CSRNP3: variants seen among roughly 807,000 people sequenced by gnomAD.
The protein encoded by CSRNP3 is cysteine/serine-rich nuclear protein 3.
In CSRNP3, 12 loss-of-function variants were observed where a neutral mutation model predicts 48.0. The observed-to-expected ratio is 0.25, with a 90% CI of 0.16 to 0.41. The LOEUF (loss-of-function observed/expected upper bound fraction) is 0.41, where lower values mean the gene tolerates loss of function less well. Ranked by LOEUF, CSRNP3 falls within the 10% of genes least tolerant of loss-of-function variation. CSRNP3 has a pLI of 1.00. For synonymous variants in CSRNP3, 263 were observed against 269.7 expected, an observed-to-expected ratio of 0.98 and a Z score of 0.24; for missense variants, 580 against 724.4, an observed-to-expected ratio of 0.80 and a Z score of 2.29.
At chr2:165,538,168 C>A (rs1045181356) in intron 3 of CSRNP3, among the ~76,000 whole-genome samples, 5 of 151,914 alleles carry the variant, frequency 3.3e-5, no homozygotes, top group African/African-American at 1.2e-4. Context: ...ACAGGAATAT[C>A]TGCATATAAA....
At chr2:165,650,937 A>G (rs1686892759) in intron 4 of CSRNP3, among the ~76,000 whole-genome samples, 1 of 152,254 alleles carries the variant, frequency 6.6e-6, no homozygotes, top group Non-Finnish European at 1.5e-5. Context: ...AAACTAGACC[A>G]TAAACTTTCA....
intron 2 of CSRNP3, among the ~76,000 whole-genome samples, chr2:165,504,349 C>T (rs1479572542): frequency 6.6e-6 from 1 of 151,868 alleles, no homozygotes; most frequent in Non-Finnish European, 1.5e-5. Context: ...AATGGTAGTC[C>T]TAGCACAGTT....
intron 3 of CSRNP3, among the ~76,000 whole-genome samples, chr2:165,523,105 A>G (rs548264232): frequency 7.9e-5 from 12 of 152,254 alleles, no homozygotes; most frequent in Non-Finnish European, 1.5e-4. Context: ...AATCTTTGCA[A>G]TCCCCTCCAG....
At chr2:165,550,362 C>T (rs1186721056) in intron 3 of CSRNP3, among the ~76,000 whole-genome samples, 1 of 151,910 alleles carries the variant, frequency 6.6e-6, no homozygotes, top group Non-Finnish European at 1.5e-5. Flanking sequence ...ATAATGTGGT[C>T]CTGTGGGAGA....
intron 2 of CSRNP3, among the ~76,000 whole-genome samples, chr2:165,513,977 A>T (rs1390055226): frequency 2.0e-5 from 3 of 152,260 alleles, no homozygotes; most frequent in African/African-American, 7.2e-5. Context: ...GATGTGAATC[A>T]TAAGAGTTAG....
intron 3 of CSRNP3, among the ~76,000 whole-genome samples, chr2:165,533,428 A>C (rs1022697649): frequency 6.6e-6 from 1 of 152,080 alleles, no homozygotes; most frequent in South Asian, 2.1e-4. Flanking sequence ...AGCAATGGGA[A>C]TCCCTTACTT....
intron 3 of CSRNP3, among the ~76,000 whole-genome samples, chr2:165,568,504 C>T (rs1222437627): frequency 1.3e-5 from 2 of 152,060 alleles, no homozygotes; most frequent in Non-Finnish European, 2.9e-5. Context: ...CCTTTTCTCC[C>T]AGAATGCCTA....
At position 165,680,052 on chromosome 2, in the gene CSRNP3, T is replaced by C. The variant is rs931304768; in HGVS notation, c.*299T>C. ...TGTGAAACCTGCCAATCTGTGTAGA[T>C]CAGAGCTCCAAATTTTGGATTATCG... is the stretch of plus-strand genomic sequence containing the variant. On this transcript the variant is annotated 3_prime_UTR_variant, in exon 7 of 7. Coordinates refer to ENST00000651982, the MANE Select transcript of CSRNP3 (RefSeq NM_001172173.2). 3.5e-6 allele frequency: 1 copy of C among 287,464 alleles called. No homozygotes were observed. The highest frequency in any genetic ancestry group is 6.4e-6 in the Non-Finnish European group (1 of 155,550). The allele number at this position is 287,464 out of a possible 1,614,324, so 17.8% of individuals were successfully genotyped here. A position where few individuals can be genotyped will look rare whatever the true frequency, so the allele number is the denominator to read the frequency against.
At chr2:165,503,223 T>A (rs1000973338) in intron 2 of CSRNP3, among the ~76,000 whole-genome samples, 2 of 151,988 alleles carry the variant, frequency 1.3e-5, no homozygotes, top group Non-Finnish European at 2.9e-5. Flanking sequence ...AATTTCTATA[T>A]GTATTTAAAT....
At chr2:165,607,020 A>G (rs1686040355) in intron 4 of CSRNP3, among the ~76,000 whole-genome samples, 1 of 152,196 alleles carries the variant, frequency 6.6e-6, no homozygotes, top group Admixed American at 6.5e-5. Flanking sequence ...ATTAGCGTCC[A>G]TAAATATGAG....
chr2:165,494,059 C>T (rs1684254404), intron 1 of CSRNP3, among the ~76,000 whole-genome samples: 1 of 152,040 alleles, frequency 6.6e-6, no homozygotes, highest in African/African-American at 2.4e-5. Flanking sequence ...CTTTCACTGA[C>T]CATGTTAATA....
At chr2:165,654,460 C>A (rs1353447628) in intron 4 of CSRNP3, among the ~76,000 whole-genome samples, 1 of 152,016 alleles carries the variant, frequency 6.6e-6, no homozygotes, top group African/African-American at 2.4e-5. Flanking sequence ...TCTGGAGAAG[C>A]AAAACAATGG....
In CSRNP3 at chr2:165,635,770, G is replaced by T. The variant is rs1049428230; in HGVS notation, c.149-21991G>T. Among the ~76,000 whole-genome samples, 60 of 152,156 alleles carry T rather than the reference G, an allele frequency of 3.9e-4. 2 individuals carry two copies. Among genetic ancestry groups the T allele is most frequent in the Non-Finnish European group, 5.9e-5 (4 of 68,034 alleles). On this transcript the variant is annotated intron_variant, in intron 4 of 6. Transcript: ENST00000651982. ...TCATAGGCCAGTACAGCTCACCAGG[G>T]TTGTAGGCCAGAACTACACAATTCT...
intron 5 of CSRNP3, among the ~76,000 whole-genome samples, chr2:165,673,280 G>A (rs961736072): frequency 6.6e-6 from 1 of 151,526 alleles, no homozygotes; most frequent in Non-Finnish European, 1.5e-5. Flanking sequence ...TGTGATTACA[G>A]GTGTACCCCT....
At chr2:165,526,819 G>A (rs948778467) in intron 3 of CSRNP3, among the ~76,000 whole-genome samples, 4 of 152,164 alleles carry the variant, frequency 2.6e-5, no homozygotes, top group African/African-American at 7.2e-5. Context: ...ATACTACAGA[G>A]ATGGGCCAGG....
intron 4 of CSRNP3, among the ~76,000 whole-genome samples, chr2:165,605,288 A>G (rs1685991120): frequency 6.6e-6 from 1 of 152,060 alleles, no homozygotes; most frequent in Non-Finnish European, 1.5e-5. Context: ...TTCTTTGAAC[A>G]TGACAAATTT....
intron 3 of CSRNP3, among the ~76,000 whole-genome samples, chr2:165,585,212 GT>G (rs35019068): frequency 0.34 from 48,252 of 143,016 alleles, 7,783 homozygotes; most frequent in Admixed American, 0.45. Flanking sequence ...AGCATAATGT[GT>G]TTTTTTTTTT....
intron 4 of CSRNP3, among the ~76,000 whole-genome samples, chr2:165,616,883 G>T (rs183969437): frequency 6.6e-6 from 1 of 151,506 alleles, no homozygotes; most frequent in Non-Finnish European, 1.5e-5. Flanking sequence ...GGTCTGACTG[G>T]GTTATTTCAA....
intron 4 of CSRNP3, among the ~76,000 whole-genome samples, chr2:165,630,054 ACT>A (rs1242105810): frequency 9.9e-5 from 15 of 152,202 alleles, no homozygotes; most frequent in Non-Finnish European, 1.9e-4. Flanking sequence ...TCTTTCAAAG[ACT>A]CTCAACAGAC....
Sources: gnomAD v4.1 joint callset for allele counts (sites outside exome capture counted in the v4.1 genomes callset) on GRCh38, gnomAD v4.1.1 for gene constraint, MANE v1.5 for transcripts, NCBI Gene and HGNC (gene_info 2026-07-23, HGNC 2026-07-21) for gene names.